Variants in BAALC observed in about 807,000 individuals in gnomAD.
The protein encoded by BAALC is brain and acute leukemia cytoplasmic protein.
A neutral mutation model predicts 15.5 loss-of-function variants in BAALC; 9 were observed. The ratio of observed to expected loss-of-function variants is 0.58; its 90% CI spans 0.35 to 1.02. BAALC has a LOEUF of 1.02. Ranked by LOEUF, BAALC falls within the 50% of genes least tolerant of loss-of-function variation. The pLI, the probability that BAALC is intolerant of heterozygous loss-of-function variation, is 0.02. For synonymous variants in BAALC, 80 were observed against 74.6 expected, an observed-to-expected ratio of 1.07 and a Z score of -0.37; for missense variants, 201 against 192.4, an observed-to-expected ratio of 1.04 and a Z score of -0.27.
At chr8:103,199,558 T>C (rs747375963) in intron 1 of BAALC, among the ~76,000 whole-genome samples, 20 of 152,140 alleles carry the variant, frequency 1.3e-4, no homozygotes, top group Non-Finnish European at 2.6e-4. Flanking sequence ...GATTTTAAAA[T>C]TTTAAGAATT....
intron 1 of BAALC, among the ~76,000 whole-genome samples, chr8:103,167,695 A>G (rs1229393140): frequency 6.6e-6 from 1 of 152,156 alleles, no homozygotes; most frequent in African/African-American, 2.4e-5. Flanking sequence ...GAGGACAGCA[A>G]TGTTATTGGA....
chr8:103,180,172 C>T (rs999682229), intron 1 of BAALC, among the ~76,000 whole-genome samples: 11 of 152,002 alleles, frequency 7.2e-5, no homozygotes, highest in Admixed American at 2.0e-4. Flanking sequence ...ACAGGGTGGG[C>T]GAGTGGGAGG....
At chr8:103,180,321 T>C (rs908062710) in intron 1 of BAALC, among the ~76,000 whole-genome samples, 2 of 152,202 alleles carry the variant, frequency 1.3e-5, no homozygotes, top group Non-Finnish European at 2.9e-5. Context: ...TCCAGAAATC[T>C]AACTGCATGA....
At chr8:103,143,371 C>T (rs983625445) in intron 1 of BAALC, among the ~76,000 whole-genome samples, 6 of 152,248 alleles carry the variant, frequency 3.9e-5, no homozygotes, top group Admixed American at 6.5e-5. Context: ...CCAGTGGCTG[C>T]GTTGTGATAG....
intron 1 of BAALC, chr8:103,171,902 C>T (rs902007323): frequency 1.3e-5 from 2 of 152,218 alleles, no homozygotes; most frequent in Admixed American, 1.3e-4. Context: ...AAAGCCAGTT[C>T]TCCCAAAATA....
intron 1 of BAALC, among the ~76,000 whole-genome samples, chr8:103,197,611 G>C (rs1419535755): frequency 6.6e-6 from 1 of 152,176 alleles, no homozygotes; most frequent in African/African-American, 2.4e-5. Context: ...ATAAAGAAAA[G>C]AGGCTTAATT....
chr8:103,149,936 G>C (rs1037860934), intron 1 of BAALC, among the ~76,000 whole-genome samples: 3 of 152,092 alleles, frequency 2.0e-5, no homozygotes, highest in African/African-American at 7.2e-5. Flanking sequence ...TGTTTTCTGG[G>C]ATTTAGTCTC....
At chr8:103,159,031 CAT>C in intron 1 of BAALC, among the ~76,000 whole-genome samples, 2 of 152,270 alleles carry the variant, frequency 1.3e-5, no homozygotes, top group South Asian at 4.1e-4. Flanking sequence ...TTGTACACCA[CAT>C]ACAAAATTTT....
chr8:103,203,947 C>T (rs1258036619), intron 1 of BAALC, among the ~76,000 whole-genome samples: 1 of 152,050 alleles, frequency 6.6e-6, no homozygotes, highest in Non-Finnish European at 1.5e-5. Flanking sequence ...GGGTGTATAC[C>T]CTACAGGAAT....
At chr8:103,176,621 C>T (rs553036769) in intron 1 of BAALC, among the ~76,000 whole-genome samples, 86 of 152,232 alleles carry the variant, frequency 5.6e-4, no homozygotes, top group African/African-American at 1.9e-3. Context: ...TTGTACCATG[C>T]GCCAGGGGAA....
intron 1 of BAALC, among the ~76,000 whole-genome samples, chr8:103,189,320 T>C (rs939329111): frequency 1.6e-4 from 24 of 152,240 alleles, no homozygotes; most frequent in African/African-American, 5.8e-4. Context: ...GAATTAGAGA[T>C]CAAACTGTGC....
intron 1 of BAALC, among the ~76,000 whole-genome samples, chr8:103,175,992 G>A (rs1391242993): frequency 6.6e-6 from 1 of 152,178 alleles, no homozygotes; most frequent in African/African-American, 2.4e-5. Flanking sequence ...ACAGTTGAAA[G>A]TGCCAGACTC....
rs574709200 is a variant in BAALC at position 103,171,359 on chromosome 8, A to C, written c.160+30302A>C. Among the ~76,000 whole-genome samples, 6 of 137,394 alleles carry C rather than the reference A, an allele frequency of 4.4e-5. No individual in the cohort carries two copies. In the South Asian group the frequency reaches 1.5e-3, roughly 35 times the overall value. 90.1% of individuals were successfully genotyped at this position (137,394 alleles called of 152,430 possible). On this transcript the variant is annotated intron_variant, in intron 1 of 2. Transcript: ENST00000309982. Reference sequence around the variant, plus strand: ...AGAAGGAAGGAGGAAAGAGCAAGGAAGGAAGGAGAAAGAAAGAAAGGCAAG... The same window carrying C: ...AGAAGGAAGGAGGAAAGAGCAAGGACGGAAGGAGAAAGAAAGAAAGGCAAG...
At chr8:103,225,599 TCAGC>T (rs1352638595) in intron 2 of BAALC, among the ~76,000 whole-genome samples, 2 of 152,120 alleles carry the variant, frequency 1.3e-5, no homozygotes, top group Admixed American at 6.5e-5. Flanking sequence ...TAGTCTAGCC[TCAGC>T]CAGATCCCAC....
intron 1 of BAALC, among the ~76,000 whole-genome samples, chr8:103,185,934 C>T (rs1811825281): frequency 6.6e-6 from 1 of 152,164 alleles, no homozygotes; most frequent in Non-Finnish European, 1.5e-5. Context: ...AGCACAAGCC[C>T]AGTCTTCATC....
chr8:103,179,807 C>A (rs1811686041), intron 1 of BAALC, among the ~76,000 whole-genome samples: 2 of 152,204 alleles, frequency 1.3e-5, no homozygotes, highest in Non-Finnish European at 2.9e-5. Context: ...AGGATGTAGG[C>A]AAATAATTAC....
At chr8:103,212,270 C>A (rs1042444339) in intron 1 of BAALC, among the ~76,000 whole-genome samples, 1 of 152,040 alleles carries the variant, frequency 6.6e-6, no homozygotes, top group African/African-American at 2.4e-5. Flanking sequence ...CATAGTGAGA[C>A]CCTGTCTCTA....
At chr8:103,189,510 G>C (rs1811919162) in intron 1 of BAALC, among the ~76,000 whole-genome samples, 1 of 152,194 alleles carries the variant, frequency 6.6e-6, no homozygotes, top group African/African-American at 2.4e-5. Flanking sequence ...CCCAGCTGGG[G>C]GGAGAAAACT....
intron 2 of BAALC, among the ~76,000 whole-genome samples, chr8:103,219,922 C>T (rs1270380965): frequency 5.3e-5 from 8 of 152,152 alleles, no homozygotes; most frequent in African/African-American, 1.4e-4. Flanking sequence ...AATATTTTGA[C>T]GTGCCTACAA....
Sources: allele counts gnomAD v4.1 joint callset (sites outside exome capture counted in the v4.1 genomes callset), GRCh38; gene constraint gnomAD v4.1.1; transcripts MANE v1.5; gene names NCBI Gene and HGNC (gene_info 2026-07-23, HGNC 2026-07-21).